Variants in IRF3 observed in about 807,000 individuals in gnomAD.
IRF3 encodes interferon regulatory factor 3.
In IRF3, 29 loss-of-function variants were observed where a neutral mutation model predicts 43.2. That is an observed-to-expected ratio of 0.67 (90% confidence interval 0.50 to 0.91). The LOEUF (loss-of-function observed/expected upper bound fraction) is 0.91, where lower values mean the gene tolerates loss of function less well. Ranked by LOEUF, IRF3 falls within the 40% of genes least tolerant of loss-of-function variation. The probability of loss-of-function intolerance (pLI) is 0.00; values close to 1 mark genes in which losing one functional copy is unlikely to be tolerated. For synonymous variants in IRF3, 228 were observed against 233.9 expected, an observed-to-expected ratio of 0.97 and a Z score of 0.23; for missense variants, 505 against 559.1, an observed-to-expected ratio of 0.90 and a Z score of 0.98.
chr19:49,659,976 TGTA>T (rs1425243906), intron 7 of IRF3, 143 bp from the exon 8 acceptor site: 2 of 524,424 alleles, frequency 3.8e-6, no homozygotes, highest in Non-Finnish European at 5.9e-6. Context: ...TGCTGGGAGT[TGTA>T]GTTTTACACA....
At position 49,662,043 on chromosome 19, in the gene IRF3, C is replaced by T; in HGVS notation, c.887G>A (p.Ser296Asn). The change falls in exon 6 of 8, where the codon AGC (serine) becomes AAC (asparagine). Residue 296 changes from serine (S) to asparagine (N), a missense_variant. Physicochemically the swap from Ser to Asn is conservative, Grantham distance 46. Transcript: ENST00000377139. ...LGHCHTYWAV[S>N]EELLPNSGHG... Reference sequence around the variant, plus strand: ...CCCGCTGTTGGGGAGCAGCTCCTCGCTCACTGCCCAGTATGTGTGGCAGTG... The same window carrying T: ...CCCGCTGTTGGGGAGCAGCTCCTCGTTCACTGCCCAGTATGTGTGGCAGTG... 1 of 1,614,116 alleles carries T rather than the reference C, an allele frequency of 6.2e-7. No homozygotes were observed. Among genetic ancestry groups the T allele is most frequent in the Middle Eastern group, 1.6e-4 (1 of 6,062 alleles).
rs913158887 is a variant in IRF3, at chr19:49,659,945, G to C, written c.1099-112C>G. 7.9e-6 allele frequency: 9 copies of C among 1,132,096 alleles called. No individual in the cohort carries two copies. The African/African-American group carries it at 1.2e-4, about 15-fold the overall frequency. The allele number at this position is 1,132,096 out of a possible 1,614,324, so 70.1% of individuals were successfully genotyped here. A position where few individuals can be genotyped will look rare whatever the true frequency, so the allele number is the denominator to read the frequency against. On this transcript the variant is annotated intron_variant, in intron 7 of 7. Transcript: ENST00000377139. ...CCCTGCAGCCCCTGCTGTAACCTAG[G>C]ATGAACCATAGGCCTAGGGCTGCTG...
chr19:49,660,005 AC>A (rs1220790842), intron 7 of IRF3, among the ~76,000 whole-genome samples, 172 bp from the exon 8 acceptor site: 1 of 120,552 alleles, frequency 8.3e-6, no homozygotes, highest in Non-Finnish European at 1.6e-5. Context: ...ACACACACAC[AC>A]ACACACACAC....
At chr19:49,665,102 T>G in intron 1 of IRF3, 10 of 447,696 alleles carry the variant, frequency 2.2e-5, no homozygotes, top group East Asian at 3.9e-5. Flanking sequence ...ACTCCCTCAA[T>G]TCCGCCAGTA....
Position 49,665,659 on chromosome 19 carries a change from A to C in IRF3, c.-37T>G, listed in dbSNP as rs2081689414. ...CGATGGAAGGTCGGGGCGTGCGGGC[A>C]GCTGGAACCCACCCCTGTCTTGGAG... is the stretch of plus-strand genomic sequence containing the variant. On this transcript the variant is annotated 5_prime_UTR_variant, in exon 1 of 8. Transcript: ENST00000377139. The C allele has an allele frequency of 1.1e-6, 1 of 885,146 alleles. No individual in the cohort carries two copies. The highest frequency in any genetic ancestry group is 2.5e-5 in the East Asian group (1 of 39,276). 54.8% of individuals were successfully genotyped at this position (885,146 alleles called of 1,614,324 possible).
intron 6 of IRF3, chr19:49,661,510 A>G (rs2081326828): frequency 6.4e-6 from 1 of 156,344 alleles, no homozygotes; most frequent in Non-Finnish European, 1.4e-5. Context: ...GGCTCAGGGC[A>G]AAGTCCTTTG....
In IRF3 at chr19:49,660,776, C is replaced by T; in HGVS notation, c.1035G>A (p.Trp345Ter). The change falls in exon 7 of 8, where the codon TGG (tryptophan) becomes TGA (stop). Residue 345 changes from tryptophan (W) to a stop codon, truncating the protein, a stop_gained. Transcript: ENST00000377139. LOFTEE classifies it high-confidence loss of function. ...GGGGCCATGACTCCCCCACACAGAA[C>T]CAGAGGGCATAGCGTGGTGAGCGTC... Reference protein sequence around the residue: ...GSGRSPRYALWFCVGESWPQD... With the variant: ...GSGRSPRYAL 1 of 1,611,240 alleles carries T rather than the reference C, an allele frequency of 6.2e-7. No individual in the cohort carries two copies. The highest frequency in any genetic ancestry group is 8.5e-7 in the Non-Finnish European group (1 of 1,178,982).
chr19:49,663,459 G>A lies in IRF3; in HGVS notation c.221C>T (p.Pro74Leu). Residue 74 changes from proline to leucine, a missense_variant, in exon 3 of 8, where the codon CCA becomes CTA. By Grantham distance (98) the Pro-to-Leu change is moderately conservative. Transcript: ENST00000377139. ...YVPGRDKPDL[P>L]TWKRNFRSAL... ...AGAGCGGAAATTCCTCTTCCAGGTTGGCAGGTCTGGCTTATCCCTCCCGGG... is the reference window on the plus strand; with the variant it reads ...AGAGCGGAAATTCCTCTTCCAGGTTAGCAGGTCTGGCTTATCCCTCCCGGG... The A allele has an allele frequency of 1.2e-6, 2 of 1,614,196 alleles. No individual in the cohort carries two copies. The highest frequency in any genetic ancestry group is 1.7e-6 in the Non-Finnish European group (2 of 1,180,050).
chr19:49,663,425 G>A lies in IRF3; in HGVS notation c.255C>T (p.Asn85=), dbSNP rs750405930. ...TWKRNFRSAL[N]RKEGLRLAED... ...CTGCTAAACGCAACCCTTCTTTGCG[G>A]TTGAGGGCAGAGCGGAAATTCCTCT... Residue 85 remains asparagine, a synonymous_variant, in exon 3 of 8, where the codon AAC becomes AAT. Coordinates refer to ENST00000377139, the MANE Select transcript of IRF3 (RefSeq NM_001571.6). The A allele has an allele frequency of 1.2e-6, 2 of 1,614,222 alleles. No homozygotes were observed. The highest frequency in any genetic ancestry group is 4.5e-5 in the East Asian group (2 of 44,880).
chr19:49,663,393 C>T lies in IRF3; in HGVS notation c.287G>A (p.Arg96Gln), dbSNP rs968457. 3.5e-3 allele frequency: 5,583 copies of T among 1,614,152 alleles called. 151 individuals carry two copies. The African/African-American group carries it at 0.062, about 18-fold the overall frequency. Residue 96 changes from arginine (R) to glutamine (Q), a missense_variant, in exon 3 of 8, where the codon CGG (arginine) becomes CAG (glutamine). Physicochemically the swap from Arg to Gln is conservative, Grantham distance 43. Coordinates refer to ENST00000377139, the MANE Select transcript of IRF3 (RefSeq NM_001571.6). ...RKEGLRLAED[R>Q]SKDPHDPHKI... ...ATGTGGGTCGTGAGGGTCCTTGCTC[C>T]GGTCCTCTGCTAAACGCAACCCTTC...
chr19:49,660,976 C>CTCCT, intron 6 of IRF3, 148 bp from the exon 7 acceptor site: 1 of 876,548 alleles, frequency 1.1e-6, no homozygotes, highest in Admixed American at 2.9e-5. Context: ...GGAAAGTCCC[C>CTCCT]TCCTTCCCTC....
In IRF3 at chr19:49,662,478, G is replaced by T; in HGVS notation, c.548C>A (p.Pro183Gln). 2 of 1,589,040 alleles carry T rather than the reference G, an allele frequency of 1.3e-6. No homozygotes were observed. The highest frequency in any genetic ancestry group is 1.8e-5 in the Admixed American group (1 of 54,756). ...TGGGTTCTCAGAGGGCCCCAGGTTT[G>T]GGAAGGGAGTGGGATTGTCCAAGCT... The part of the protein sequence containing the change: ...SPSLDNPTPF[P>Q]NLGPSENPLK... Residue 183 changes from proline to glutamine, a missense_variant, in exon 5 of 8, where the codon CCA (proline) becomes CAA (glutamine). Coordinates refer to ENST00000377139, the MANE Select transcript of IRF3 (RefSeq NM_001571.6).
At chr19:49,664,574 C>T (rs1336814389) in intron 2 of IRF3, 100 bp downstream of exon 2, 2 of 1,609,526 alleles carry the variant, frequency 1.2e-6, no homozygotes, top group African/African-American at 1.3e-5. Flanking sequence ...CGAGCCCGCC[C>T]CTCGCGCGCC....
intron 6 of IRF3, chr19:49,661,072 AG>A: frequency 2.0e-6 from 1 of 505,910 alleles, no homozygotes; most frequent in Non-Finnish European, 3.5e-6. Context: ...GGCCCAGAGT[AG>A]GGGGCCCATG....
intron 1 of IRF3, 112 bp downstream of exon 1, chr19:49,665,519 C>T (rs2081661631): frequency 6.6e-6 from 2 of 302,572 alleles, no homozygotes; most frequent in Non-Finnish European, 6.2e-6. Flanking sequence ...TTCCTTGCTC[C>T]ACTTTCCCCA....
intron 6 of IRF3, 85 bp downstream of exon 6, chr19:49,661,863 G>A (rs2081345893): frequency 6.7e-7 from 1 of 1,489,466 alleles, no homozygotes; most frequent in African/African-American, 1.4e-5. Context: ...ACAGGCGTGA[G>A]CCACCGTGCC....
intron 2 of IRF3, 166 bp downstream of exon 2, chr19:49,664,508 A>T: frequency 6.4e-7 from 1 of 1,571,878 alleles, no homozygotes; most frequent in African/African-American, 1.3e-5. Context: ...ACCATCAGTC[A>T]GCGGATCCGG....
chr19:49,659,998 C>CATATAT (rs1370491180), intron 7 of IRF3, among the ~76,000 whole-genome samples, 165 bp from the exon 8 acceptor site: 2 of 83,814 alleles, frequency 2.4e-5, no homozygotes, highest in Admixed American at 1.1e-4. Context: ...CACACACACA[C>CATATAT]ACACACACAC....
intron 6 of IRF3, chr19:49,661,421 A>C (rs1249513571): frequency 6.4e-6 from 1 of 156,310 alleles, no homozygotes; most frequent in Non-Finnish European, 1.4e-5. Context: ...TTCCCTGAGC[A>C]GGCTCTGTGT....
Sources: allele counts gnomAD v4.1 joint callset (sites outside exome capture counted in the v4.1 genomes callset), GRCh38; gene constraint gnomAD v4.1.1; transcripts MANE v1.5; gene names NCBI Gene and HGNC (gene_info 2026-07-23, HGNC 2026-07-21).